Variants in FGF14 observed in about 807,000 individuals in gnomAD.
FGF14 encodes fibroblast growth factor homologous factor 4.
In FGF14, 5 loss-of-function variants were observed where a neutral mutation model predicts 25.5. The observed-to-expected ratio is 0.20, with a 90% confidence interval of 0.10 to 0.41. FGF14 has a LOEUF of 0.41. FGF14 is among the 10% of genes least tolerant of loss of function. FGF14 has a pLI of 1.00. For synonymous variants in FGF14, 138 were observed against 118.3 expected (o/e 1.17, Z -1.08); for missense variants, 222 against 320.1 (o/e 0.69, Z 2.34).
chr13:102,015,711 T>C (rs1269987138), intron 1 of FGF14, among the ~76,000 whole-genome samples: 1 of 152,142 alleles, frequency 6.6e-6, no homozygotes, highest in Admixed American at 6.5e-5. Flanking sequence ...GGAACAAAAC[T>C]GTCTCCTTCT....
intron 1 of FGF14, among the ~76,000 whole-genome samples, chr13:102,399,005 T>C (rs935477826): frequency 1.3e-5 from 2 of 151,838 alleles, no homozygotes; most frequent in African/African-American, 2.4e-5. Context: ...TTAGATACAC[T>C]TTGAGTTAGC....
intron 1 of FGF14, among the ~76,000 whole-genome samples, chr13:102,310,650 T>TC (rs2055683313): frequency 1.3e-5 from 1 of 78,244 alleles, no homozygotes; most frequent in African/African-American, 4.7e-5. Context: ...TCTCTTCCCG[T>TC]TTCTCTCTCT....
At chr13:101,757,686 T>C (rs74324672) in intron 3 of FGF14, among the ~76,000 whole-genome samples, 1,829 of 152,270 alleles carry the variant, frequency 0.012, 36 homozygotes, top group African/African-American at 0.042. Flanking sequence ...CCTCACTCAA[T>C]TGCCTTGCCT....
At chr13:101,787,369 C>G (rs994817041) in intron 3 of FGF14, among the ~76,000 whole-genome samples, 4 of 152,064 alleles carry the variant, frequency 2.6e-5, no homozygotes, top group Non-Finnish European at 5.9e-5. Context: ...ATGGATGAAC[C>G]GCTGTTTTAT....
At chr13:101,886,904 A>G (rs2046016738) in intron 1 of FGF14, among the ~76,000 whole-genome samples, 1 of 152,178 alleles carries the variant, frequency 6.6e-6, no homozygotes, top group Non-Finnish European at 1.5e-5. Flanking sequence ...ACATTCTTGA[A>G]AGAAGACATA....
intron 1 of FGF14, among the ~76,000 whole-genome samples, chr13:102,316,823 G>A (rs1290983145): frequency 1.3e-5 from 2 of 152,124 alleles, no homozygotes; most frequent in Non-Finnish European, 2.9e-5. Context: ...TGAAACACCT[G>A]AGAAATTATA....
At chr13:102,246,936 C>T (rs1045712653) in intron 1 of FGF14, among the ~76,000 whole-genome samples, 2 of 151,882 alleles carry the variant, frequency 1.3e-5, no homozygotes, top group African/African-American at 4.8e-5. Context: ...AATAAGGTTG[C>T]ACTCCTACAA....
At chr13:102,167,449 C>G (rs1277712847) in intron 1 of FGF14, among the ~76,000 whole-genome samples, 1 of 151,936 alleles carries the variant, frequency 6.6e-6, no homozygotes, top group Non-Finnish European at 1.5e-5. Flanking sequence ...AAGAAGCCAC[C>G]TCTGCCTGGA....
At chr13:102,017,348 G>A (rs1481947050) in intron 1 of FGF14, among the ~76,000 whole-genome samples, 2 of 152,092 alleles carry the variant, frequency 1.3e-5, no homozygotes, top group East Asian at 3.9e-4. Context: ...AAATACCTTT[G>A]TTTTATCCCT....
intron 1 of FGF14, among the ~76,000 whole-genome samples, chr13:102,055,611 T>C (rs1311001021): frequency 6.6e-6 from 1 of 152,192 alleles, no homozygotes; most frequent in Non-Finnish European, 1.5e-5. Flanking sequence ...AGCATAGTAA[T>C]ACCACACCCA....
At chr13:101,811,029 T>TACGCCCC (rs2041475556) in intron 3 of FGF14, among the ~76,000 whole-genome samples, 1 of 60,570 alleles carries the variant, frequency 1.7e-5, no homozygotes, top group African/African-American at 4.1e-5. Flanking sequence ...AACACACATA[T>TACGCCCC]CCGCCCCCCC....
intron 1 of FGF14, among the ~76,000 whole-genome samples, chr13:102,114,662 A>G (rs1283488366): frequency 6.6e-6 from 1 of 152,208 alleles, no homozygotes; most frequent in Non-Finnish European, 1.5e-5. Flanking sequence ...CTTTAAGAAA[A>G]TCCTCTGATA....
intron 1 of FGF14, among the ~76,000 whole-genome samples, chr13:102,138,850 G>A (rs892267017): frequency 2.0e-5 from 3 of 152,136 alleles, no homozygotes; most frequent in Non-Finnish European, 4.4e-5. Context: ...GATCACAACT[G>A]GTATTGTTTT....
intron 3 of FGF14, among the ~76,000 whole-genome samples, chr13:101,850,364 G>T: frequency 7.0e-6 from 1 of 142,768 alleles, no homozygotes. Context: ...TGAGATAGGA[G>T]AATCATTCTA....
At chr13:101,951,692 G>A (rs1398638400) in intron 1 of FGF14, among the ~76,000 whole-genome samples, 1 of 152,096 alleles carries the variant, frequency 6.6e-6, no homozygotes, top group Non-Finnish European at 1.5e-5. Context: ...AGAATCTGAT[G>A]TCATTCTCAA....
At chr13:102,277,578 G>A (rs903316122) in intron 1 of FGF14, among the ~76,000 whole-genome samples, 6 of 152,204 alleles carry the variant, frequency 3.9e-5, no homozygotes, top group Admixed American at 1.3e-4. Context: ...GGCCAGCCCT[G>A]GGCTCTGCTC....
At chr13:102,195,219 T>C (rs780417135) in intron 1 of FGF14, among the ~76,000 whole-genome samples, 13 of 152,118 alleles carry the variant, frequency 8.5e-5, no homozygotes, top group Non-Finnish European at 1.6e-4. Context: ...GCATAAAAAA[T>C]AGTATGAATA....
At chr13:101,808,627 C>A (rs1403078741) in intron 3 of FGF14, among the ~76,000 whole-genome samples, 2 of 152,014 alleles carry the variant, frequency 1.3e-5, no homozygotes, top group African/African-American at 4.8e-5. Flanking sequence ...TATAACTTGG[C>A]CTCTCTTGTT....
intron 1 of FGF14, among the ~76,000 whole-genome samples, chr13:101,952,376 C>T (rs1286531925): frequency 6.6e-6 from 1 of 151,198 alleles, no homozygotes; most frequent in Admixed American, 6.6e-5. Flanking sequence ...TCTTTTACAC[C>T]TGTCTTCATA....
Sources: allele counts gnomAD v4.1 joint callset (sites outside exome capture counted in the v4.1 genomes callset), GRCh38; gene constraint gnomAD v4.1.1; transcripts MANE v1.5; gene names NCBI Gene and HGNC (gene_info 2026-07-23, HGNC 2026-07-21).